Variants in ZNF407 observed in about 807,000 individuals in gnomAD.
ZNF407 encodes zinc finger protein 407.
ZNF407 carries 17 observed loss-of-function variants against 131.2 expected under a neutral mutation model. The observed-to-expected ratio is 0.13, with a 90% CI of 0.09 to 0.19. The LOEUF is 0.19. Ranked by LOEUF, ZNF407 falls within the 10% of genes least tolerant of loss-of-function variation. The pLI, the probability that ZNF407 is intolerant of heterozygous loss-of-function variation, is 1.00. For missense variants in ZNF407, 2,681 were observed against 2,830.6 expected, an observed-to-expected ratio of 0.95 and a Z score of 1.20; for synonymous variants, 1,156 against 1,062.0, an observed-to-expected ratio of 1.09 and a Z score of -1.72.
chr18:74,938,092 G>T (rs189514759), intron 8 of ZNF407, among the ~76,000 whole-genome samples: 3 of 152,122 alleles, frequency 2.0e-5, no homozygotes, highest in Non-Finnish European at 2.9e-5. Context: ...AGCGCATTAT[G>T]CTTATGAGCG....
At chr18:74,893,650 A>G (rs917413431) in intron 7 of ZNF407, among the ~76,000 whole-genome samples, 2 of 152,202 alleles carry the variant, frequency 1.3e-5, no homozygotes, top group Non-Finnish European at 2.9e-5. Context: ...AGGATCCCAT[A>G]TCTGCCTCAC....
intron 3 of ZNF407, among the ~76,000 whole-genome samples, chr18:74,674,811 A>G (rs8087262): frequency 0.15 from 22,106 of 152,146 alleles, 1,649 homozygotes; most frequent in Non-Finnish European, 0.17. Flanking sequence ...TGGGTGGCTG[A>G]CAGGATTTGG....
intron 8 of ZNF407, among the ~76,000 whole-genome samples, chr18:74,999,628 C>T (rs1377034513): frequency 3.9e-5 from 6 of 152,136 alleles, no homozygotes; most frequent in Non-Finnish European, 8.8e-5. Flanking sequence ...ACAGTGAACT[C>T]AAATCTCATA....
In ZNF407 at chr18:74,703,349, GTGTCTC is replaced by G. The variant is rs112244207; in HGVS notation, c.4802+62241_4802+62246del. On this transcript the variant is annotated intron_variant, in intron 3 of 8. Coordinates refer to ENST00000299687, the MANE Select transcript of ZNF407 (RefSeq NM_017757.3). The surrounding 1 kb of genome is among the most constrained non-coding windows in gnomAD (Gnocchi z 4.1). ...GATCTCTCTCTCTCTCTCCCCATGT[GTGTCTC>G]TGTCTCTGTCTCTCTCTCTCTCTTT... Among the ~76,000 whole-genome samples, 136 of 152,048 alleles carry G rather than the reference GTGTCTC, an allele frequency of 8.9e-4. No homozygotes were observed. The highest frequency in any genetic ancestry group is 7.1e-3 in the South Asian group (34 of 4,810).
At position 74,634,564 on chromosome 18, in the gene ZNF407, A is replaced by C. The variant is rs1380224374; in HGVS notation, c.3545A>C (p.Glu1182Ala). The part of the protein sequence containing the change: ...PVKDKVRKPE[E>A]MMSLTMSSNY... ...AAGGATAAAGTTAGGAAACCTGAGG[A>C]GATGATGTCACTTACTATGTCCTCA... Residue 1182 changes from glutamate to alanine, a missense_variant, in exon 2 of 9, where the codon GAG (glutamate) becomes GCG (alanine). Transcript: ENST00000299687. The C allele has an allele frequency of 6.2e-7, 1 of 1,613,772 alleles. No homozygotes were observed.
intron 3 of ZNF407, among the ~76,000 whole-genome samples, chr18:74,679,810 A>T (rs1415937433): frequency 6.6e-6 from 1 of 152,116 alleles, no homozygotes. Flanking sequence ...GTTGTTACCC[A>T]CTCTAACCCC....
At chr18:74,654,615 T>C (rs1002053336) in intron 3 of ZNF407, among the ~76,000 whole-genome samples, 2 of 151,842 alleles carry the variant, frequency 1.3e-5, no homozygotes, top group Non-Finnish European at 3.0e-5. Flanking sequence ...TTCTTAATGA[T>C]AGAAAACTAT....
intron 8 of ZNF407, among the ~76,000 whole-genome samples, chr18:75,017,060 T>G (rs1327313733): frequency 6.6e-6 from 1 of 152,144 alleles, no homozygotes; most frequent in Non-Finnish European, 1.5e-5. Flanking sequence ...TTCAGCCATT[T>G]TTTTCTTTCC....
At chr18:74,671,443 A>G (rs1986136891) in intron 3 of ZNF407, among the ~76,000 whole-genome samples, 1 of 151,948 alleles carries the variant, frequency 6.6e-6, no homozygotes, top group Admixed American at 6.6e-5. Context: ...TTTGTTGTAC[A>G]TATTATCACT....
chr18:74,919,985 C>T (rs541490296), intron 7 of ZNF407, among the ~76,000 whole-genome samples: 4 of 152,330 alleles, frequency 2.6e-5, no homozygotes, highest in South Asian at 4.1e-4. Context: ...GAAAACGCCA[C>T]GGGATTCACA....
At chr18:74,755,874 T>C (rs1599127588) in intron 3 of ZNF407, among the ~76,000 whole-genome samples, 12 of 94,800 alleles carry the variant, frequency 1.3e-4, no homozygotes, top group Non-Finnish European at 2.3e-4. Flanking sequence ...CCTTCCTTCC[T>C]CTTTTCCTTC....
At chr18:74,998,144 C>T (rs1972801292) in intron 8 of ZNF407, among the ~76,000 whole-genome samples, 1 of 152,192 alleles carries the variant, frequency 6.6e-6, no homozygotes, top group South Asian at 2.1e-4. Flanking sequence ...AGGCCTTCAG[C>T]TGCACAGTTA....
At chr18:74,716,888 C>T (rs1287453504) in intron 3 of ZNF407, among the ~76,000 whole-genome samples, 1 of 152,124 alleles carries the variant, frequency 6.6e-6, no homozygotes, top group Non-Finnish European at 1.5e-5. Flanking sequence ...TTGTTACTGC[C>T]TACTTAATGC....
intron 8 of ZNF407, among the ~76,000 whole-genome samples, chr18:75,020,302 G>A (rs1389296151): frequency 1.7e-5 from 2 of 119,412 alleles, no homozygotes; most frequent in African/African-American, 6.3e-5. Context: ...ATGTGTATAT[G>A]TGTGTGTATG....
intron 1 of ZNF407, among the ~76,000 whole-genome samples, chr18:74,615,778 G>T (rs901867787): frequency 1.4e-4 from 21 of 152,234 alleles, no homozygotes; most frequent in African/African-American, 4.6e-4. Context: ...GTCTGAAGGG[G>T]GCCACTGTTC....
chr18:74,762,314 G>A (rs1462254578), intron 3 of ZNF407, among the ~76,000 whole-genome samples: 1 of 151,952 alleles, frequency 6.6e-6, no homozygotes. Flanking sequence ...TATCTTACTT[G>A]TGTATGAGTG....
intron 8 of ZNF407, among the ~76,000 whole-genome samples, chr18:75,013,302 T>G (rs1209430994): frequency 1.3e-5 from 2 of 152,120 alleles, no homozygotes; most frequent in African/African-American, 4.8e-5. Context: ...GACATGATGT[T>G]TCACAGCAGG....
chr18:74,934,775 C>T (rs866273865), intron 8 of ZNF407, among the ~76,000 whole-genome samples: 1 of 152,212 alleles, frequency 6.6e-6, no homozygotes, highest in Non-Finnish European at 1.5e-5. Flanking sequence ...CACTGCACTC[C>T]AGCCTGGGCG....
intron 4 of ZNF407, among the ~76,000 whole-genome samples, chr18:74,869,078 G>T (rs919736229): frequency 2.0e-5 from 3 of 152,170 alleles, no homozygotes; most frequent in African/African-American, 4.8e-5. Context: ...TGAAATTAAG[G>T]CATTTGGAAT....
Sources: allele counts gnomAD v4.1 joint callset (sites outside exome capture counted in the v4.1 genomes callset), GRCh38; gene constraint gnomAD v4.1.1; non-coding constraint Gnocchi (gnomAD v3.1); transcripts MANE v1.5; gene names NCBI Gene and HGNC (gene_info 2026-07-23, HGNC 2026-07-21).